ATRN: variants seen among roughly 807,000 people sequenced by gnomAD.
The protein encoded by ATRN is attractin.
In ATRN, 54 loss-of-function variants were observed where a neutral mutation model predicts 178.7. The observed-to-expected ratio is 0.30, with a 90% CI of 0.24 to 0.38. The LOEUF (loss-of-function observed/expected upper bound fraction) is 0.38. Among genes scored for constraint, ATRN ranks in the 10% least tolerant of loss-of-function variants. The pLI is 1.00. For missense variants in ATRN, 1,443 were observed against 1,815.1 expected (o/e 0.79, Z 3.73); for synonymous variants, 636 against 663.0 (o/e 0.96, Z 0.63).
At chr20:3,550,693 G>C (rs2085775086) in intron 6 of ATRN, among the ~76,000 whole-genome samples, 1 of 152,160 alleles carries the variant, frequency 6.6e-6, no homozygotes, top group African/African-American at 2.4e-5. Context: ...TTTTTCATCA[G>C]AAGAGCTGTT....
In ATRN at chr20:3,549,346, GT is replaced by G; in HGVS notation, c.1112+12del. On this transcript the variant is annotated intron_variant, in intron 6 of 28. Coordinates refer to ENST00000262919, the MANE Select transcript of ATRN (RefSeq NM_139321.3). ...TTATAACATGGTTCTAGCGTAAGTC[GT>G]TTTAAACATTTTTGCAAGAAGCTTA... The G allele has an allele frequency of 6.6e-7, 1 of 1,506,936 alleles. No individual in the cohort carries two copies. The highest frequency in any genetic ancestry group is 1.4e-5 in the South Asian group (1 of 73,548). 93.3% of individuals were successfully genotyped at this position (1,506,936 alleles called of 1,614,324 possible).
chr20:3,500,512 AATG>A (rs1418413096), intron 1 of ATRN, among the ~76,000 whole-genome samples: 2 of 151,860 alleles, frequency 1.3e-5, no homozygotes, highest in Non-Finnish European at 2.9e-5. Context: ...AGCCATAAAA[AATG>A]ATGAGTTCAT....
chr20:3,592,598 A>C, intron 19 of ATRN: 1 of 601,576 alleles, frequency 1.7e-6, no homozygotes, highest in East Asian at 1.4e-4. Context: ...AGTTCTGAGC[A>C]GGAAAAGTAA....
chr20:3,500,766 G>A (rs1427618967), intron 1 of ATRN, among the ~76,000 whole-genome samples: 3 of 151,664 alleles, frequency 2.0e-5, no homozygotes, highest in African/African-American at 7.3e-5. Flanking sequence ...CAGCGCACCA[G>A]CATGGCACAT....
chr20:3,527,288 A>G (rs1355028750), intron 1 of ATRN, among the ~76,000 whole-genome samples: 3 of 152,224 alleles, frequency 2.0e-5, no homozygotes, highest in African/African-American at 7.2e-5. Flanking sequence ...CACTTCTCAA[A>G]AGAAGACATT....
chr20:3,594,571 C>T lies in ATRN; in HGVS notation c.3415C>T (p.Leu1139=). ...TKGVKGDECQ[L]CEVENRYQGN... is the part of the protein sequence containing the mutation. ...GGGCGTCAAGGGGGACGAGTGCCAG[C>T]TGTGAGTACCATACTCCCTGGACCA... The change falls in exon 20 of 29, where the codon CTA becomes TTA. Residue 1139 remains leucine (L), a splice_region_variant and synonymous_variant. Coordinates refer to ENST00000262919, the MANE Select transcript of ATRN (RefSeq NM_139321.3). 6.2e-7 allele frequency: 1 copy of T among 1,610,532 alleles called. No individual in the cohort carries two copies. Among genetic ancestry groups the T allele is most frequent in the Non-Finnish European group, 8.5e-7 (1 of 1,177,772 alleles).
chr20:3,650,934 A>G lies in ATRN; in HGVS notation c.*4087A>G, dbSNP rs1046744664. 1 of 152,678 alleles carries G rather than the reference A, an allele frequency of 6.5e-6. No individual in the cohort carries two copies. Among genetic ancestry groups the G allele is most frequent in the Non-Finnish European group, 1.5e-5 (1 of 68,046 alleles). 9.5% of individuals were successfully genotyped at this position (152,678 alleles called of 1,614,324 possible). On this transcript the variant is annotated 3_prime_UTR_variant, in exon 29 of 29. Transcript: ENST00000262919. ...ATCGCGGGGATTGTGGGTGTTATAC[A>G]TACATTTAGGACTGCAATTTTTTGG...
At chr20:3,599,584 G>A (rs1291083952) in intron 22 of ATRN, among the ~76,000 whole-genome samples, 3 of 152,142 alleles carry the variant, frequency 2.0e-5, no homozygotes, top group African/African-American at 7.2e-5. Context: ...CCACTTACAC[G>A]TAGACTTTTT....
At chr20:3,626,781 CTTTTTTT>C (rs33999405) in intron 25 of ATRN, among the ~76,000 whole-genome samples, 2 of 118,172 alleles carry the variant, frequency 1.7e-5, no homozygotes, top group African/African-American at 6.5e-5. Flanking sequence ...TGAATTATTT[CTTTTTTT>C]TTTTTTTTTT....
At chr20:3,503,998 C>T (rs2084999074) in intron 1 of ATRN, among the ~76,000 whole-genome samples, 1 of 152,104 alleles carries the variant, frequency 6.6e-6, no homozygotes. Context: ...AACACCAATT[C>T]AAATGGCAGT....
At chr20:3,508,987 A>G (rs556933902) in intron 1 of ATRN, among the ~76,000 whole-genome samples, 2 of 152,328 alleles carry the variant, frequency 1.3e-5, no homozygotes, top group East Asian at 1.9e-4. Flanking sequence ...ATAAAAGTAA[A>G]TAGTAAAAGG....
intron 1 of ATRN, among the ~76,000 whole-genome samples, chr20:3,483,226 A>G (rs1367610504): frequency 6.6e-6 from 1 of 152,240 alleles, no homozygotes; most frequent in Non-Finnish European, 1.5e-5. Flanking sequence ...CTGTTGATAA[A>G]TGTAGTTCTA....
Position 3,624,453 on chromosome 20 carries a change from G to A in ATRN, c.3802-58G>A, listed in dbSNP as rs1372877570. On this transcript the variant is annotated intron_variant, in intron 24 of 28. Coordinates refer to ENST00000262919, the MANE Select transcript of ATRN (RefSeq NM_139321.3). ...CAGCTTAACTCTTGAAATGAGAAGC[G>A]TGAATCCGTGGTGGTTTCATGACCT... 1.8e-5 allele frequency: 25 copies of A among 1,367,102 alleles called. No individual in the cohort carries two copies. The East Asian group carries it at 1.8e-4, about 10-fold the overall frequency. The allele number at this position is 1,367,102 out of a possible 1,614,324, so 84.7% of individuals were successfully genotyped here.
intron 1 of ATRN, among the ~76,000 whole-genome samples, chr20:3,510,221 AG>A (rs1292658269): frequency 6.6e-6 from 1 of 152,208 alleles, no homozygotes; most frequent in African/African-American, 2.4e-5. Context: ...GATCCAGTCT[AG>A]GGTTAGGTAT....
rs186249171 is a variant in ATRN at position 3,549,060 on chromosome 20, A to T, written c.944-110A>T. ...AGGATTTGTCTGATATTTAAATGCTAAAGGAAAGACTATTATTTAAATATT... is the reference window on the plus strand; with the variant it reads ...AGGATTTGTCTGATATTTAAATGCTTAAGGAAAGACTATTATTTAAATATT... On this transcript the variant is annotated intron_variant, in intron 5 of 28. Transcript: ENST00000262919. 5.7e-5 allele frequency: 53 copies of T among 930,974 alleles called. No individual in the cohort carries two copies. The Admixed American group carries it at 1.4e-3, about 25-fold the overall frequency. The allele number at this position is 930,974 out of a possible 1,614,324, so 57.7% of individuals were successfully genotyped here.
At chr20:3,497,047 A>T (rs558015039) in intron 1 of ATRN, among the ~76,000 whole-genome samples, 7 of 151,628 alleles carry the variant, frequency 4.6e-5, no homozygotes, top group Admixed American at 4.6e-4. Context: ...TTTTGAGCCT[A>T]TGTGTGTCTC....
At chr20:3,484,909 A>AATTATTATTATT (rs11470490) in intron 1 of ATRN, among the ~76,000 whole-genome samples, 121 of 143,972 alleles carry the variant, frequency 8.4e-4, no homozygotes, top group African/African-American at 2.6e-3. Flanking sequence ...TGGATTTTAA[A>AATTATTATTATT]ATTATTATTA....
chr20:3,544,850 C>A (rs1600093414), intron 3 of ATRN, among the ~76,000 whole-genome samples: 1 of 146,302 alleles, frequency 6.8e-6, no homozygotes, highest in Non-Finnish European at 1.5e-5. Flanking sequence ...TTTTACCAGT[C>A]ACACAACAAA....
intron 1 of ATRN, among the ~76,000 whole-genome samples, chr20:3,478,755 C>A (rs1259589087): frequency 6.6e-6 from 1 of 152,032 alleles, no homozygotes; most frequent in Non-Finnish European, 1.5e-5. Context: ...GCAGAAGGAT[C>A]CCATTCCTTT....
Sources: allele counts gnomAD v4.1 joint callset (sites outside exome capture counted in the v4.1 genomes callset), GRCh38; gene constraint gnomAD v4.1.1; transcripts MANE v1.5; gene names NCBI Gene and HGNC (gene_info 2026-07-23, HGNC 2026-07-21).